MAPT: variants seen among roughly 807,000 people sequenced by gnomAD.
MAPT encodes the protein microtubule-associated protein tau.
MAPT carries 34 observed loss-of-function variants against 67.9 expected under a neutral mutation model. The ratio of observed to expected loss-of-function variants is 0.50; its 90% CI spans 0.38 to 0.67. The LOEUF is 0.67. Ranked by LOEUF, MAPT falls within the 30% of genes least tolerant of loss-of-function variation. The pLI is 0.00. For synonymous variants in MAPT, 456 were observed against 464.5 expected (o/e 0.98, Z 0.23); for missense variants, 881 against 1,115.2 (o/e 0.79, Z 2.99).
chr17:45,969,607 A>T (rs1424093014), intron 2 of MAPT, among the ~76,000 whole-genome samples: 2 of 138,532 alleles, frequency 1.4e-5, no homozygotes, highest in Admixed American at 7.4e-5. Flanking sequence ...CCTATCATCC[A>T]TCCAATCATA....
chr17:45,967,127 T>C (rs1424026361), intron 2 of MAPT, among the ~76,000 whole-genome samples: 2 of 151,920 alleles, frequency 1.3e-5, no homozygotes, highest in African/African-American at 4.8e-5. Flanking sequence ...ATGCTAAGAG[T>C]TGAAATATGG....
chr17:45,941,680 C>CCCCTTCCCTCCTTCCT, intron 1 of MAPT, among the ~76,000 whole-genome samples: 2 of 47,278 alleles, frequency 4.2e-5, no homozygotes, highest in East Asian at 3.8e-3. Flanking sequence ...CCCCCCTTCC[C>CCCCTTCCCTCCTTCCT]TCCTTCCTTC....
Position 45,983,949 on chromosome 17 carries a change from T to TTCGCTCCTTCCCTGGGGACCTCCC in MAPT, c.1351+20_1351+43dup, listed in dbSNP as rs2073276910. 3 of 1,529,528 alleles carry TTCGCTCCTTCCCTGGGGACCTCCC rather than the reference T, an allele frequency of 2.0e-6. No homozygotes were observed. The highest frequency in any genetic ancestry group is 2.6e-6 in the Non-Finnish European group (3 of 1,142,368). 94.7% of individuals were successfully genotyped at this position (1,529,528 alleles called of 1,614,324 possible). ...CTCAAAGGTCTGTGTCTTGAGCTTC[T>TTCGCTCCTTCCCTGGGGACCTCCC]TCGCTCCTTCCCTGGGGACCTCCCA... On this transcript the variant is annotated intron_variant, in intron 5 of 12. Transcript: ENST00000262410.
Position 46,027,068 on chromosome 17 carries a change from AAGG to A in MAPT, c.*2900_*2902del, listed in dbSNP as rs1335646451. On this transcript the variant is annotated 3_prime_UTR_variant, in exon 13 of 13. Transcript: ENST00000262410. ...TTCTCCTAAGTTGAAGGGATCTGAG[AAGG>A]AGAAGGAAATGTGGGGTAGATTTGG... 2 of 152,128 alleles carry A rather than the reference AAGG, an allele frequency of 1.3e-5. No homozygotes were observed. The highest frequency in any genetic ancestry group is 1.9e-4 in the East Asian group (1 of 5,182). The allele number at this position is 152,128 out of a possible 1,614,324, so 9.4% of individuals were successfully genotyped here.
rs1204282032 is a variant in MAPT, at chr17:45,946,614, AAATATAT to A, written c.-17-15705_-17-15699del. Among the ~76,000 whole-genome samples, 104 of 128,312 alleles carry A rather than the reference AAATATAT, an allele frequency of 8.1e-4. 2 individuals carry two copies. The South Asian group carries it at 0.024, about 30-fold the overall frequency. 84.2% of individuals were successfully genotyped at this position (128,312 alleles called of 152,430 possible). A position where few individuals can be genotyped will look rare whatever the true frequency, so the allele number is the denominator to read the frequency against. ...ACTCTGTCTTAAAAAAAAAAAAAAA[AAATATAT>A]ATATATATATATATATATGTCAAAA... On this transcript the variant is annotated intron_variant, in intron 1 of 12. Coordinates refer to ENST00000262410, the MANE Select transcript of MAPT (RefSeq NM_001377265.1).
intron 9 of MAPT, chr17:45,999,343 C>T (rs1207893211): frequency 1.2e-6 from 2 of 1,613,958 alleles, no homozygotes; most frequent in South Asian, 2.2e-5. Context: ...GTGCAGGTGG[C>T]CGGCCCTCAT....
Position 45,987,089 on chromosome 17 carries a change from A to T in MAPT, c.1401A>T (p.Lys467Asn), listed in dbSNP as rs1211465602. The T allele has an allele frequency of 6.2e-7, 1 of 1,614,056 alleles. No homozygotes were observed. The highest frequency in any genetic ancestry group is 1.7e-5 in the Admixed American group (1 of 60,024). ...ACGGGACTGGAAGCGATGACAAAAAAGCCAAGGTAAGCTGACGATGCCACG... is the reference window on the plus strand; with the variant it reads ...ACGGGACTGGAAGCGATGACAAAAATGCCAAGGTAAGCTGACGATGCCACG... The part of the protein sequence containing the change: ...SKDGTGSDDK[K>N]AKTSTRSSAK... The change falls in exon 6 of 13, where the codon AAA (lysine) becomes AAT (asparagine). Residue 467 changes from lysine (K) to asparagine (N), a missense_variant. Around this residue, in one of 6 missense-constraint regions of MAPT, gnomAD observed 687 missense variants for 766.1 expected, o/e 0.90. Transcript: ENST00000262410.
intron 1 of MAPT, among the ~76,000 whole-genome samples, chr17:45,898,956 C>G (rs2063450355): frequency 6.6e-6 from 1 of 152,230 alleles, no homozygotes; most frequent in South Asian, 2.1e-4. Flanking sequence ...CCCCCTCACA[C>G]TCCCAGAAAC....
chr17:45,927,045 A>T (rs764168619), intron 1 of MAPT, among the ~76,000 whole-genome samples: 9 of 152,108 alleles, frequency 5.9e-5, no homozygotes, highest in Non-Finnish European at 8.8e-5. Context: ...TTATATAATT[A>T]TATATGCAGA....
intron 1 of MAPT, among the ~76,000 whole-genome samples, chr17:45,941,705 GCCTTCCTTCCTTCCTTCCTTCCTTCCTT>G (rs1201409768): frequency 3.5e-4 from 9 of 25,576 alleles, no homozygotes; most frequent in African/African-American, 9.9e-4. Flanking sequence ...CTTCCTGCCT[GCCTTCCTTCCTTCCTTCCTTCCTTCCTT>G]CCTTCCTTCC....
Position 46,013,413 on chromosome 17 carries a change from C to T in MAPT, c.2092-830C>T, listed in dbSNP as rs60969130. ...GGGGAGCTGGTTCTTTGACTGAGATCAGCTGGCAGCTCAGGGTCATCATTC... is the reference window on the plus strand; with the variant it reads ...GGGGAGCTGGTTCTTTGACTGAGATTAGCTGGCAGCTCAGGGTCATCATTC... On this transcript the variant is annotated intron_variant, in intron 10 of 12. Coordinates refer to ENST00000262410, the MANE Select transcript of MAPT (RefSeq NM_001377265.1). Among the ~76,000 whole-genome samples, 204 of 152,120 alleles carry T rather than the reference C, an allele frequency of 1.3e-3. 1 individual carries two copies. The highest frequency in any genetic ancestry group is 4.6e-3 in the African/African-American group (192 of 41,558).
chr17:46,015,562 G>A (rs2076121983), intron 11 of MAPT, among the ~76,000 whole-genome samples: 1 of 151,912 alleles, frequency 6.6e-6, no homozygotes, highest in South Asian at 2.1e-4. Context: ...ACAAGGCTGA[G>A]GCAGGAGAAT....
At chr17:45,964,938 C>G (rs567471289) in intron 2 of MAPT, among the ~76,000 whole-genome samples, 1 of 152,286 alleles carries the variant, frequency 6.6e-6, no homozygotes, top group East Asian at 1.9e-4. Flanking sequence ...GACCTCAACC[C>G]CGAAGGTTAG....
At chr17:45,907,454 G>A (rs1386983346) in intron 1 of MAPT, among the ~76,000 whole-genome samples, 6 of 152,124 alleles carry the variant, frequency 3.9e-5, no homozygotes, top group South Asian at 4.2e-4. Flanking sequence ...CAGGTTGCAC[G>A]TCCTGTGAGG....
At chr17:45,958,908 C>T (rs2070056122) in intron 1 of MAPT, among the ~76,000 whole-genome samples, 1 of 151,684 alleles carries the variant, frequency 6.6e-6, no homozygotes, top group Non-Finnish European at 1.5e-5. Flanking sequence ...ACAAAAAATA[C>T]AAAAATTCGC....
At chr17:46,017,603 G>A (rs975805135) in intron 11 of MAPT, among the ~76,000 whole-genome samples, 13 of 150,590 alleles carry the variant, frequency 8.6e-5, no homozygotes, top group South Asian at 2.1e-4. Flanking sequence ...ACAGGTGCCC[G>A]CCACCATGCT....
chr17:45,982,027 AAAAAAAG>A (rs1484975777), intron 4 of MAPT, among the ~76,000 whole-genome samples: 1 of 150,950 alleles, frequency 6.6e-6, no homozygotes, highest in Non-Finnish European at 1.5e-5. Context: ...TCAAAAAAAA[AAAAAAAG>A]AAAGAAAGAA....
intron 1 of MAPT, among the ~76,000 whole-genome samples, chr17:45,926,095 C>T (rs776551648): frequency 6.6e-6 from 1 of 151,914 alleles, no homozygotes; most frequent in African/African-American, 2.4e-5. Flanking sequence ...TCTGTAATCC[C>T]AGCTACTTGG....
At chr17:45,990,625 T>C (rs960261265) in intron 7 of MAPT, 14 of 329,286 alleles carry the variant, frequency 4.3e-5, no homozygotes, top group Non-Finnish European at 7.8e-5. Flanking sequence ...AAACCCAAAA[T>C]TGCTACTCTC....
Sources: gnomAD v4.1 joint callset for allele counts (sites outside exome capture counted in the v4.1 genomes callset) on GRCh38, gnomAD v4.1.1 for gene constraint, gnomAD v4.1.1 regional missense constraint, MANE v1.5 for transcripts, NCBI Gene and HGNC (gene_info 2026-07-23, HGNC 2026-07-21) for gene names.